Variants in NUP214 observed in about 807,000 individuals in gnomAD.
NUP214 encodes the protein nuclear pore complex protein Nup214.
Under a neutral mutation model 196.2 loss-of-function variants are expected in NUP214, and 79 were observed. The observed-to-expected ratio is 0.40, with a 90% CI of 0.34 to 0.49. The LOEUF is 0.49. Ranked by LOEUF, NUP214 falls within the 20% of genes least tolerant of loss-of-function variation. The pLI, the probability that NUP214 is intolerant of heterozygous loss-of-function variation, is 0.58. For synonymous variants in NUP214, 1,020 were observed against 990.5 expected, an observed-to-expected ratio of 1.03 and a Z score of -0.56; for missense variants, 2,468 against 2,539.0, an observed-to-expected ratio of 0.97 and a Z score of 0.60.
At chr9:131,184,430 T>C (rs1833392400) in intron 24 of NUP214, among the ~76,000 whole-genome samples, 3 of 149,502 alleles carry the variant, frequency 2.0e-5, no homozygotes, top group African/African-American at 7.4e-5. Context: ...GTCTCCCGGG[T>C]TCAAGCGATT....
chr9:131,159,490 A>G lies in NUP214; in HGVS notation c.2540+4A>G, dbSNP rs1396026054. ...TGGAACAAAAGAAAAAACAAAGGTGAATGAGATCTCTCATCTGCAATGTGT... is the reference window on the plus strand; with the variant it reads ...TGGAACAAAAGAAAAAACAAAGGTGGATGAGATCTCTCATCTGCAATGTGT... On this transcript the variant is annotated splice_donor_region_variant and intron_variant, in intron 18 of 35. Coordinates refer to ENST00000359428, the MANE Select transcript of NUP214 (RefSeq NM_005085.4). 1.3e-6 allele frequency: 2 copies of G among 1,595,746 alleles called. No homozygotes were observed. The highest frequency in any genetic ancestry group is 3.3e-5 in the Admixed American group (2 of 59,962).
At chr9:131,137,707 G>A (rs929414700) in intron 9 of NUP214, among the ~76,000 whole-genome samples, 9 of 151,946 alleles carry the variant, frequency 5.9e-5, no homozygotes, top group Admixed American at 1.3e-4. Flanking sequence ...GCGCCAACAC[G>A]CCTGGCTAAT....
chr9:131,126,099 T>A, intron 1 of NUP214: 3 of 302,974 alleles, frequency 9.9e-6, no homozygotes, highest in Non-Finnish European at 1.9e-5. Flanking sequence ...GAGGAGTAAG[T>A]TGAGGCTCGG....
rs1588183822 is a variant in NUP214 at position 131,230,505 on chromosome 9, C to T, written c.6075-125C>T. ...CTCTCTGAAAGGCTGCTAGTTAGGC[C>T]CAGCCTGTCACCCTGGATCATGAGT... On this transcript the variant is annotated intron_variant, in intron 33 of 35. Coordinates refer to ENST00000359428, the MANE Select transcript of NUP214 (RefSeq NM_005085.4). 4 of 1,177,562 alleles carry T rather than the reference C, an allele frequency of 3.4e-6. No homozygotes were observed. In the East Asian group the frequency reaches 9.8e-5, roughly 29 times the overall value. 72.9% of individuals were successfully genotyped at this position (1,177,562 alleles called of 1,614,324 possible). A position where few individuals can be genotyped will look rare whatever the true frequency, so the allele number is the denominator to read the frequency against.
At position 131,198,255 on chromosome 9, in the gene NUP214, C is replaced by T. The variant is rs532028844; in HGVS notation, c.4761C>T (p.Ser1587=). The T allele has an allele frequency of 6.2e-7, 1 of 1,614,232 alleles. No individual in the cohort carries two copies. The highest frequency in any genetic ancestry group is 1.1e-5 in the South Asian group (1 of 91,084). Reference sequence around the variant, plus strand: ...CGGAGGCAGTACCACCTGCTTCCTCCTTTTCTGTGCCTGGGCAGACTGCTG... The same window carrying T: ...CGGAGGCAGTACCACCTGCTTCCTCTTTTTCTGTGCCTGGGCAGACTGCTG... ...ARTEAVPPAS[S]FSVPGQTAVT... Residue 1587 remains serine (S), a synonymous_variant, in exon 29 of 36, where the codon TCC becomes TCT. Coordinates refer to ENST00000359428, the MANE Select transcript of NUP214 (RefSeq NM_005085.4).
At chr9:131,226,727 G>A (rs1441875183) in intron 32 of NUP214, among the ~76,000 whole-genome samples, 2 of 151,782 alleles carry the variant, frequency 1.3e-5, no homozygotes, top group East Asian at 1.9e-4. Flanking sequence ...ACCCAAACAC[G>A]AGCCTTAGCA....
chr9:131,165,609 A>G (rs1832765048), intron 21 of NUP214, among the ~76,000 whole-genome samples: 1 of 152,192 alleles, frequency 6.6e-6, no homozygotes, highest in East Asian at 1.9e-4. Flanking sequence ...TGATCCAGCA[A>G]TTTCACTTCT....
At chr9:131,222,225 C>T (rs954120050) in intron 31 of NUP214, among the ~76,000 whole-genome samples, 8 of 152,188 alleles carry the variant, frequency 5.3e-5, no homozygotes, top group Admixed American at 3.9e-4. Flanking sequence ...CATTTCACTG[C>T]CATTCTCTGA....
At chr9:131,164,352 T>C in intron 21 of NUP214, 1 of 572,964 alleles carries the variant, frequency 1.7e-6, no homozygotes, top group East Asian at 2.9e-5. Context: ...AACCAGCTTA[T>C]ATATACTTGA....
intron 29 of NUP214, among the ~76,000 whole-genome samples, chr9:131,199,314 A>T (rs1417154667): frequency 6.6e-6 from 1 of 152,346 alleles, no homozygotes; most frequent in African/African-American, 2.4e-5. Context: ...CCTGCCAAGT[A>T]ATTTAATGAA....
intron 34 of NUP214, among the ~76,000 whole-genome samples, chr9:131,231,194 T>C (rs1478336449): frequency 6.6e-6 from 1 of 152,048 alleles, no homozygotes; most frequent in East Asian, 1.9e-4. Context: ...GAAACATATA[T>C]ATATATATAT....
At chr9:131,190,579 G>A (rs1196904045) in intron 26 of NUP214, 5 of 607,412 alleles carry the variant, frequency 8.2e-6, no homozygotes, top group African/African-American at 5.7e-5. Context: ...TTGAAAAAGA[G>A]CATTTCTAAA....
At chr9:131,153,440 C>A (rs1484776245) in intron 17 of NUP214, 1 of 152,114 alleles carries the variant, frequency 6.6e-6, no homozygotes. Flanking sequence ...ATTCCTGATG[C>A]GTCCTCTTTC....
In NUP214 at chr9:131,206,148, C is replaced by CTTTTTTTTTTTT. The variant is rs71265048; in HGVS notation, c.5592+4434_5592+4445dup. 4.6e-4 allele frequency among the ~76,000 whole-genome samples: 35 copies of CTTTTTTTTTTTT among 76,372 alleles called. 7 individuals carry two copies. In the South Asian group the frequency reaches 0.01, roughly 22 times the overall value. 50.1% of individuals were successfully genotyped at this position (76,372 alleles called of 152,430 possible). On this transcript the variant is annotated intron_variant, in intron 30 of 35. Transcript: ENST00000359428. Reference sequence around the variant, plus strand: ...TCCACATAGAATTTTTTTCTTTTTTCTTTTTTTTTTTTTTGAGACAGGGTT... The same window carrying CTTTTTTTTTTTT: ...TCCACATAGAATTTTTTTCTTTTTTCTTTTTTTTTTTTTTTTTTTTTTTTTTGAGACAGGGTT...
chr9:131,196,618 AC>A (rs1373262405), intron 28 of NUP214, among the ~76,000 whole-genome samples: 1 of 152,180 alleles, frequency 6.6e-6, no homozygotes, highest in Non-Finnish European at 1.5e-5. Context: ...AGGTAAAGCA[AC>A]CTTTCCAGAT....
At chr9:131,168,428 T>C (rs1832849953) in intron 21 of NUP214, among the ~76,000 whole-genome samples, 1 of 152,236 alleles carries the variant, frequency 6.6e-6, no homozygotes, top group South Asian at 2.1e-4. Flanking sequence ...TTACTAAGTT[T>C]ACAGAATTGT....
chr9:131,189,517 C>T (rs189288889), intron 26 of NUP214, among the ~76,000 whole-genome samples: 9 of 152,204 alleles, frequency 5.9e-5, no homozygotes, highest in African/African-American at 2.2e-4. Context: ...ATTTCTTCCA[C>T]TAAAAGGAAT....
intron 30 of NUP214, among the ~76,000 whole-genome samples, chr9:131,207,688 A>G (rs1834123071): frequency 6.6e-6 from 1 of 152,242 alleles, no homozygotes; most frequent in African/African-American, 2.4e-5. Flanking sequence ...ATATGTGACT[A>G]GAAGTATTGC....
Position 131,158,053 on chromosome 9 carries a change from G to C in NUP214, c.2437-1330G>C, listed in dbSNP as rs1461954748. The stretch of plus-strand genomic sequence containing the variant: ...CCGTCCTGGCCTCCCAAAGTGCTGG[G>C]ATTACATGCATGAGCCACCATGCCC... On this transcript the variant is annotated intron_variant, in intron 17 of 35. Transcript: ENST00000359428. Among the ~76,000 whole-genome samples, 3 of 151,982 alleles carry C rather than the reference G, an allele frequency of 2.0e-5. No individual in the cohort carries two copies. The East Asian group carries it at 5.8e-4, about 29-fold the overall frequency.
Sources: allele counts gnomAD v4.1 joint callset (sites outside exome capture counted in the v4.1 genomes callset), GRCh38; gene constraint gnomAD v4.1.1; transcripts MANE v1.5; gene names NCBI Gene and HGNC (gene_info 2026-07-23, HGNC 2026-07-21).